Variants in SUPT3H observed in about 807,000 individuals in gnomAD.
SUPT3H encodes transcription initiation protein SPT3 homolog.
SUPT3H carries 44 observed loss-of-function variants against 44.3 expected under a neutral mutation model. That is an observed-to-expected ratio of 0.99 (90% CI 0.78 to 1.28). The LOEUF is 1.28. Ranked by LOEUF, SUPT3H falls within the 50% of genes most tolerant of loss-of-function variation. The probability of loss-of-function intolerance (pLI) is 0.00; values close to 1 mark genes in which losing one functional copy is unlikely to be tolerated. For synonymous variants in SUPT3H, 124 were observed against 125.6 expected (o/e 0.99, Z 0.09); for missense variants, 380 against 387.1 (o/e 0.98, Z 0.15).
At chr6:45,166,514 GGCAGAGCTTGCAGTGA>G (rs2153603870) in intron 2 of SUPT3H, among the ~76,000 whole-genome samples, 1 of 150,336 alleles carries the variant, frequency 6.7e-6, no homozygotes, top group Admixed American at 6.6e-5. Flanking sequence ...GAACCCAGGA[GGCAGAGCTTGCAGTGA>G]GCAGAGATTG....
chr6:45,150,576 T>C (rs1806767346), intron 2 of SUPT3H, among the ~76,000 whole-genome samples: 1 of 152,174 alleles, frequency 6.6e-6, no homozygotes, highest in Admixed American at 6.5e-5. Context: ...TGGGACACCA[T>C]GCCTTATAGT....
chr6:44,816,284 G>A (rs1488057474), intron 11 of SUPT3H, among the ~76,000 whole-genome samples: 1 of 152,114 alleles, frequency 6.6e-6, no homozygotes, highest in Non-Finnish European at 1.5e-5. Flanking sequence ...GAATTAAAAA[G>A]AGGAGTGTCA....
intron 2 of SUPT3H, among the ~76,000 whole-genome samples, chr6:45,316,286 T>C (rs1784690972): frequency 1.3e-5 from 2 of 152,130 alleles, no homozygotes; most frequent in East Asian, 3.9e-4. Flanking sequence ...AACTTACTCA[T>C]GTAACCAAAT....
At chr6:45,139,433 T>C (rs1804818377) in intron 2 of SUPT3H, among the ~76,000 whole-genome samples, 1 of 152,120 alleles carries the variant, frequency 6.6e-6, no homozygotes, top group Non-Finnish European at 1.5e-5. Context: ...GAACAGCACA[T>C]GGAGACTCAC....
chr6:45,004,205 C>T (rs752261105), intron 5 of SUPT3H, among the ~76,000 whole-genome samples: 39 of 151,846 alleles, frequency 2.6e-4, no homozygotes, highest in Non-Finnish European at 4.6e-4. Flanking sequence ...GAACTGGTAA[C>T]ATTAACGTTA....
In SUPT3H at chr6:44,952,896, A is replaced by T. The variant is rs141818601; in HGVS notation, c.801+414T>A. On this transcript the variant is annotated intron_variant, in intron 9 of 10. Coordinates refer to ENST00000371459, the MANE Select transcript of SUPT3H (RefSeq NM_003599.4). Reference sequence around the variant, plus strand: ...AAATCATTTTTAGAGATGAATCAATAACTGAAATGGAAAGTTATCAATAAA... The same window carrying T: ...AAATCATTTTTAGAGATGAATCAATTACTGAAATGGAAAGTTATCAATAAA... Among the ~76,000 whole-genome samples the T allele has an allele frequency of 2.6e-3, 402 of 152,318 alleles. 4 individuals carry two copies. The highest frequency in any genetic ancestry group is 8.3e-3 in the African/African-American group (344 of 41,582).
chr6:45,118,115 GC>G (rs1801096510), intron 2 of SUPT3H, among the ~76,000 whole-genome samples: 1 of 151,946 alleles, frequency 6.6e-6, no homozygotes, highest in African/African-American at 2.4e-5. Context: ...AATTTGGCAT[GC>G]ATAAATAATA....
At chr6:45,084,440 G>A (rs1036759601) in intron 3 of SUPT3H, among the ~76,000 whole-genome samples, 1 of 152,042 alleles carries the variant, frequency 6.6e-6, no homozygotes, top group African/African-American at 2.4e-5. Flanking sequence ...ACCACAATGA[G>A]GTACCATCTC....
intron 3 of SUPT3H, among the ~76,000 whole-genome samples, chr6:45,023,949 A>C (rs1785552051): frequency 6.6e-6 from 1 of 152,198 alleles, no homozygotes; most frequent in African/African-American, 2.4e-5. Context: ...ACAGGTGAGC[A>C]ACTGGGCAGT....
intron 2 of SUPT3H, among the ~76,000 whole-genome samples, chr6:45,306,145 C>A (rs1470656182): frequency 2.0e-5 from 3 of 152,132 alleles, no homozygotes; most frequent in Admixed American, 6.5e-5. Context: ...AGTACCCAGG[C>A]TTCAGGTCTC....
intron 3 of SUPT3H, among the ~76,000 whole-genome samples, chr6:45,070,370 C>G (rs1794181549): frequency 6.6e-6 from 1 of 152,130 alleles, no homozygotes. Context: ...ACCCCAGGAT[C>G]CAACCTAATC....
chr6:44,893,222 A>T (rs1446375847), intron 10 of SUPT3H, among the ~76,000 whole-genome samples: 1 of 151,992 alleles, frequency 6.6e-6, no homozygotes, highest in Non-Finnish European at 1.5e-5. Context: ...AAATAATAAA[A>T]ATGTATTTTT....
chr6:45,017,733 GT>G (rs1784512544), intron 4 of SUPT3H, among the ~76,000 whole-genome samples: 1 of 146,282 alleles, frequency 6.8e-6, no homozygotes, highest in Non-Finnish European at 1.5e-5. Context: ...GTACCATGCT[GT>G]TTTGGTTACT....
intron 2 of SUPT3H, among the ~76,000 whole-genome samples, chr6:45,178,859 G>C (rs1262902247): frequency 6.6e-6 from 1 of 151,874 alleles, no homozygotes; most frequent in African/African-American, 2.4e-5. Context: ...GATGCTCTTT[G>C]AAACCAACGA....
intron 6 of SUPT3H, among the ~76,000 whole-genome samples, chr6:45,001,621 T>C (rs1445361377): frequency 6.6e-6 from 1 of 152,078 alleles, no homozygotes; most frequent in Non-Finnish European, 1.5e-5. Flanking sequence ...TGAGTTTTTA[T>C]ATCTATAAAG....
intron 2 of SUPT3H, among the ~76,000 whole-genome samples, chr6:45,285,714 G>A (rs1779115932): frequency 6.6e-6 from 1 of 152,024 alleles, no homozygotes; most frequent in South Asian, 2.1e-4. Context: ...AGCTACCAAT[G>A]ACTTTCTTCA....
intron 10 of SUPT3H, among the ~76,000 whole-genome samples, chr6:44,928,092 G>GA (rs1447842460): frequency 6.6e-6 from 1 of 152,142 alleles, no homozygotes; most frequent in African/African-American, 2.4e-5. Context: ...ATAAAGCGGT[G>GA]AAAAAACCTG....
At chr6:45,056,168 A>G (rs1024847490) in intron 3 of SUPT3H, among the ~76,000 whole-genome samples, 2 of 152,188 alleles carry the variant, frequency 1.3e-5, no homozygotes, top group African/African-American at 4.8e-5. Flanking sequence ...CATAATCAAA[A>G]AATCAAAAAG....
chr6:45,190,082 T>C (rs1404992705), intron 2 of SUPT3H, among the ~76,000 whole-genome samples: 3 of 152,198 alleles, frequency 2.0e-5, no homozygotes, highest in Non-Finnish European at 4.4e-5. Context: ...ACAGATTCCA[T>C]TGTCAAAGAC....
Sources: gnomAD v4.1 joint callset for allele counts (sites outside exome capture counted in the v4.1 genomes callset) on GRCh38, gnomAD v4.1.1 for gene constraint, MANE v1.5 for transcripts, NCBI Gene and HGNC (gene_info 2026-07-23, HGNC 2026-07-21) for gene names.